Variants in PDZRN4 observed in about 807,000 individuals in gnomAD.
The protein encoded by PDZRN4 is PDZ domain containing ring finger 4.
A neutral mutation model predicts 99.0 loss-of-function variants in PDZRN4; 70 were observed. The observed-to-expected ratio is 0.71, with a 90% CI of 0.58 to 0.86. The LOEUF is 0.86. PDZRN4 is among the 40% of genes least tolerant of loss of function. The pLI, the probability that PDZRN4 is intolerant of heterozygous loss-of-function variation, is 0.00. For synonymous variants in PDZRN4, 551 were observed against 501.6 expected (o/e 1.10, Z -1.32); for missense variants, 1,474 against 1,331.2 (o/e 1.11, Z -1.67).
intron 3 of PDZRN4, among the ~76,000 whole-genome samples, chr12:41,395,248 A>G (rs553987854): frequency 6.6e-6 from 1 of 152,218 alleles, no homozygotes; most frequent in East Asian, 1.9e-4. Flanking sequence ...GAAACTAAAA[A>G]AGCAAAGTAT....
At chr12:41,410,068 A>C (rs1952383855) in intron 3 of PDZRN4, 1 of 152,216 alleles carries the variant, frequency 6.6e-6, no homozygotes. Flanking sequence ...TAGGACTTCA[A>C]CATATTTTTT....
At chr12:41,213,764 A>G (rs1013076007) in intron 3 of PDZRN4, among the ~76,000 whole-genome samples, 25 of 152,060 alleles carry the variant, frequency 1.6e-4, no homozygotes, top group Non-Finnish European at 2.9e-4. Flanking sequence ...TTTGGAAAGC[A>G]TCATTGCAAA....
chr12:41,215,673 T>A (rs543394426), intron 3 of PDZRN4, among the ~76,000 whole-genome samples: 23 of 152,120 alleles, frequency 1.5e-4, no homozygotes, highest in Admixed American at 5.9e-4. Flanking sequence ...AATTGTTATA[T>A]CCACTTGAAT....
rs374645706 is a variant in PDZRN4, at chr12:41,317,048, G to GTATACATACATATA, written c.843+122864_843+122865insCATACATATATATA. On this transcript the variant is annotated intron_variant, in intron 3 of 9. Coordinates refer to ENST00000402685, the MANE Select transcript of PDZRN4 (RefSeq NM_001164595.2). ...TCCAGAGAATCATAACTTACATAAA[G>GTATACATACATATA]TATATATATATATATATATATATAT... Among the ~76,000 whole-genome samples the GTATACATACATATA allele has an allele frequency of 1.5e-3, 106 of 69,580 alleles. 18 individuals carry two copies. Among genetic ancestry groups the GTATACATACATATA allele is most frequent in the East Asian group, 5.4e-3 (13 of 2,422 alleles). 45.6% of individuals were successfully genotyped at this position (69,580 alleles called of 152,430 possible).
chr12:41,268,790 GA>G, intron 3 of PDZRN4, among the ~76,000 whole-genome samples: 1 of 152,224 alleles, frequency 6.6e-6, no homozygotes, highest in African/African-American at 2.4e-5. Flanking sequence ...TTCATTTGAA[GA>G]GGTTGGTGTG....
intron 3 of PDZRN4, among the ~76,000 whole-genome samples, chr12:41,451,701 G>A (rs886640061): frequency 1.3e-5 from 2 of 152,146 alleles, no homozygotes; most frequent in African/African-American, 4.8e-5. Flanking sequence ...ATGGACTGCC[G>A]TTTTCTGGCT....
intron 1 of PDZRN4, among the ~76,000 whole-genome samples, chr12:41,189,501 T>C (rs549173700): frequency 6.6e-6 from 1 of 152,216 alleles, no homozygotes; most frequent in South Asian, 2.1e-4. Flanking sequence ...AAGCGAAGAC[T>C]TTCCCGGCCC....
At chr12:41,283,286 C>T (rs1308851175) in intron 3 of PDZRN4, among the ~76,000 whole-genome samples, 1 of 152,140 alleles carries the variant, frequency 6.6e-6, no homozygotes, top group Admixed American at 6.5e-5. Flanking sequence ...TTCCTGGATA[C>T]ATACACCCTC....
chr12:41,479,332 G>C (rs1011103822), intron 3 of PDZRN4, among the ~76,000 whole-genome samples: 2 of 152,152 alleles, frequency 1.3e-5, no homozygotes, highest in African/African-American at 4.8e-5. Flanking sequence ...CAATAGATCA[G>C]TGAATATAGT....
chr12:41,372,873 G>T (rs1007326818), intron 3 of PDZRN4, among the ~76,000 whole-genome samples: 1 of 152,116 alleles, frequency 6.6e-6, no homozygotes, highest in African/African-American at 2.4e-5. Flanking sequence ...AATTTAAAAA[G>T]CTTTTACCCA....
At chr12:41,516,456 G>A (rs768824329) in intron 5 of PDZRN4, among the ~76,000 whole-genome samples, 1 of 152,014 alleles carries the variant, frequency 6.6e-6, no homozygotes, top group African/African-American at 2.4e-5. Flanking sequence ...GAAGGCTGAT[G>A]GAGAATAACA....
chr12:41,403,957 G>C (rs1165175996), intron 3 of PDZRN4, among the ~76,000 whole-genome samples: 1 of 152,014 alleles, frequency 6.6e-6, no homozygotes, highest in Non-Finnish European at 1.5e-5. Flanking sequence ...TATCTATTGG[G>C]GTGTTGGCTG....
chr12:41,435,399 G>GT (rs1250533515), intron 3 of PDZRN4, among the ~76,000 whole-genome samples: 1 of 152,178 alleles, frequency 6.6e-6, no homozygotes, highest in Non-Finnish European at 1.5e-5. Flanking sequence ...ACACAAGAGA[G>GT]TTTTATCAGT....
At position 41,563,504 on chromosome 12, in the gene PDZRN4, T is replaced by C. The variant is rs1939309380; in HGVS notation, c.1366-44T>C. ...TATTTGCCATTTATTGTGTGCAGCATTGTGGAAATGGAAACTAATGTGCCA... is the reference window on the plus strand; with the variant it reads ...TATTTGCCATTTATTGTGTGCAGCACTGTGGAAATGGAAACTAATGTGCCA... On this transcript the variant is annotated intron_variant, in intron 7 of 9. Transcript: ENST00000402685. 7 of 1,324,624 alleles carry C rather than the reference T, an allele frequency of 5.3e-6. No individual in the cohort carries two copies. In the East Asian group the frequency reaches 1.6e-4, roughly 30 times the overall value. The allele number at this position is 1,324,624 out of a possible 1,614,324, so 82.1% of individuals were successfully genotyped here.
At chr12:41,289,293 T>C (rs888317320) in intron 3 of PDZRN4, among the ~76,000 whole-genome samples, 4 of 152,190 alleles carry the variant, frequency 2.6e-5, no homozygotes, top group Non-Finnish European at 5.9e-5. Flanking sequence ...ACTTATAACT[T>C]AAGCTCATTT....
At chr12:41,387,933 C>A (rs1193901698) in intron 3 of PDZRN4, among the ~76,000 whole-genome samples, 1 of 152,152 alleles carries the variant, frequency 6.6e-6, no homozygotes, top group East Asian at 1.9e-4. Flanking sequence ...TGGATATATT[C>A]CCAAAGGAGT....
intron 3 of PDZRN4, among the ~76,000 whole-genome samples, chr12:41,373,047 G>GC (rs1952054880): frequency 6.6e-6 from 1 of 152,046 alleles, no homozygotes; most frequent in Non-Finnish European, 1.5e-5. Context: ...GTTCCGTGAT[G>GC]CCCCCCAAGC....
chr12:41,225,520 G>A lies in PDZRN4; in HGVS notation c.843+31332G>A, dbSNP rs556996117. 3.3e-5 allele frequency among the ~76,000 whole-genome samples: 5 copies of A among 151,392 alleles called. No individual in the cohort carries two copies. In the South Asian group the frequency reaches 1.0e-3, roughly 32 times the overall value. ...GTGGAAAATTATCTTATAATTTAGTGCTTTATACTTAAATGCTTTTGTAAT... is the reference window on the plus strand; with the variant it reads ...GTGGAAAATTATCTTATAATTTAGTACTTTATACTTAAATGCTTTTGTAAT... On this transcript the variant is annotated intron_variant, in intron 3 of 9. Transcript: ENST00000402685.
chr12:41,487,008 C>A (rs898277933), intron 3 of PDZRN4, among the ~76,000 whole-genome samples: 2 of 152,118 alleles, frequency 1.3e-5, no homozygotes, highest in Non-Finnish European at 2.9e-5. Context: ...CTACACTGAC[C>A]ACAAAAGAAA....
Sources: gnomAD v4.1 joint callset for allele counts (sites outside exome capture counted in the v4.1 genomes callset) on GRCh38, gnomAD v4.1.1 for gene constraint, MANE v1.5 for transcripts, NCBI Gene and HGNC (gene_info 2026-07-23, HGNC 2026-07-21) for gene names.